The following DNAH6 variants were observed in gnomAD, a reference collection of about 807,000 sequenced individuals.
The protein encoded by DNAH6 is dynein axonemal heavy chain 6, also known as axonemal beta dynein heavy chain 6.
DNAH6 carries 340 observed loss-of-function variants against 491.4 expected under a neutral mutation model. The ratio of observed to expected loss-of-function variants is 0.69; its 90% confidence interval spans 0.63 to 0.76. The LOEUF is 0.76. DNAH6 is among the 30% of genes least tolerant of loss of function. The probability of loss-of-function intolerance (pLI) is 0.00; values close to 1 mark genes in which losing one functional copy is unlikely to be tolerated. For missense variants in DNAH6, 4,443 were observed against 4,972.2 expected, an observed-to-expected ratio of 0.89 and a Z score of 3.20; for synonymous variants, 1,603 against 1,686.1, an observed-to-expected ratio of 0.95 and a Z score of 1.21.
intron 76 of DNAH6, among the ~76,000 whole-genome samples, chr2:84,818,645 GACAA>G (rs919695838): frequency 1.8e-4 from 27 of 151,940 alleles, no homozygotes; most frequent in African/African-American, 6.5e-4. Context: ...AACTTAACAG[GACAA>G]ACAGTCTGGT....
intron 56 of DNAH6, among the ~76,000 whole-genome samples, chr2:84,711,524 C>T (rs1467459613): frequency 6.6e-6 from 1 of 152,172 alleles, no homozygotes; most frequent in African/African-American, 2.4e-5. Context: ...TTAGCATTAA[C>T]TAATATTTAT....
At chr2:84,607,250 A>G (rs1219280088) in intron 21 of DNAH6, among the ~76,000 whole-genome samples, 155 bp downstream of exon 21, 2 of 152,210 alleles carry the variant, frequency 1.3e-5, no homozygotes, top group African/African-American at 2.4e-5. Flanking sequence ...AGGGAAATGC[A>G]CAGGTATTAA....
the DNAH6 span, among the ~76,000 whole-genome samples, chr2:84,508,657 T>C: frequency 1.9e-3 from 285 of 152,338 alleles, no homozygotes; most frequent in African/African-American, 6.6e-3. Context: ...AATTGTGATG[T>C]TAGGGTGTCA....
At chr2:84,496,384 C>A in the DNAH6 span, among the ~76,000 whole-genome samples, 1 of 152,100 alleles carries the variant, frequency 6.6e-6, no homozygotes, top group Non-Finnish European at 1.5e-5. Flanking sequence ...TGTTTTTCTT[C>A]TATGTAGTTT....
Position 84,672,386 on chromosome 2 carries a change from G to C in DNAH6, c.6514G>C (p.Asp2172His). 1 of 1,551,688 alleles carries C rather than the reference G, an allele frequency of 6.4e-7. No individual in the cohort carries two copies. ...FVDDLNMPRL[D>H]RYGSQPPIEL... ...TGATGATTTAAACATGCCCAGACTG[G>C]ATCGCTATGGCTCTCAGCCTCCGAT... The change falls in exon 40 of 77, where the codon GAT becomes CAT. Residue 2172 changes from aspartate to histidine, a missense_variant. By Grantham distance (81) the Asp-to-His change is moderately conservative (BLOSUM62 -1). This residue lies in a region of DNAH6 where 2,977 missense variants were observed against 3,296.6 expected (regional missense o/e 0.90). Transcript: ENST00000389394.
chr2:84,755,432 G>A lies in DNAH6; in HGVS notation c.10513-7323G>A, dbSNP rs190364100. On this transcript the variant is annotated intron_variant, in intron 63 of 76. Transcript: ENST00000389394. ...CAGTCTCAAGTATTCTATTATAGCA[G>A]CACAAAACAGACTAAAACCATTTTC... 2.9e-4 allele frequency among the ~76,000 whole-genome samples: 44 copies of A among 152,238 alleles called. No individual in the cohort carries two copies. In the East Asian group the frequency reaches 7.7e-3, roughly 27 times the overall value.
At chr2:84,786,736 C>T (rs369617383) in intron 67 of DNAH6, among the ~76,000 whole-genome samples, 2 of 152,074 alleles carry the variant, frequency 1.3e-5, no homozygotes, top group African/African-American at 4.8e-5. Flanking sequence ...AAATATGATT[C>T]TGTGTGTGGC....
chr2:84,681,050 G>T (rs1693732447), intron 41 of DNAH6, among the ~76,000 whole-genome samples: 1 of 152,100 alleles, frequency 6.6e-6, no homozygotes, highest in Admixed American at 6.5e-5. Flanking sequence ...AGGTGGGTTT[G>T]TGCCCTTCGT....
At chr2:84,764,444 C>G (rs1235964851) in intron 64 of DNAH6, among the ~76,000 whole-genome samples, 2 of 152,124 alleles carry the variant, frequency 1.3e-5, no homozygotes, top group African/African-American at 4.8e-5. Flanking sequence ...CCATTTCACA[C>G]CTATCCAACT....
the DNAH6 span, among the ~76,000 whole-genome samples, chr2:84,477,700 C>T: frequency 6.6e-6 from 1 of 151,932 alleles, no homozygotes; most frequent in African/African-American, 2.4e-5. Context: ...AAGCAATGGA[C>T]CAAGAAAGCC....
rs148515102 is a variant in DNAH6 at position 84,548,372 on chromosome 2, A to G, written c.1271A>G (p.Tyr424Cys). The G allele has an allele frequency of 1.9e-4, 303 of 1,613,934 alleles. 1 individual carries two copies. Among genetic ancestry groups the G allele is most frequent in the Non-Finnish European group, 2.4e-4 (286 of 1,179,976 alleles). Reference protein sequence around the residue: ...PTYGDSEKMTYTEQASKRHYC... With the variant: ...PTYGDSEKMTCTEQASKRHYC... Reference sequence around the variant, plus strand: ...TATGGAGACTCTGAGAAAATGACATATACAGAACAGGCCAGCAAAAGGCAT... The same window carrying G: ...TATGGAGACTCTGAGAAAATGACATGTACAGAACAGGCCAGCAAAAGGCAT... The change falls in exon 8 of 77, where the codon TAT becomes TGT. Residue 424 changes from tyrosine to cysteine, a missense_variant. Transcript: ENST00000389394.
rs147548149 is a variant in DNAH6, at chr2:84,652,702, A to G, written c.5079-617A>G. 4.3e-3 allele frequency among the ~76,000 whole-genome samples: 653 copies of G among 152,150 alleles called. 2 individuals carry two copies. Among genetic ancestry groups the G allele is most frequent in the South Asian group, 7.5e-3 (36 of 4,824 alleles). ...TATGTAAGGTTTTAACTGTATCACAAATGTATTTGTGTATATAATGTGAGG... is the reference window on the plus strand; with the variant it reads ...TATGTAAGGTTTTAACTGTATCACAGATGTATTTGTGTATATAATGTGAGG... On this transcript the variant is annotated intron_variant, in intron 33 of 76. Coordinates refer to ENST00000389394, the MANE Select transcript of DNAH6 (RefSeq NM_001370.2).
intron 63 of DNAH6, among the ~76,000 whole-genome samples, chr2:84,746,394 G>GA (rs998553637): frequency 6.0e-5 from 9 of 150,996 alleles, no homozygotes; most frequent in South Asian, 4.2e-4. Context: ...AGCTCTAGGA[G>GA]AAAAAAAAAG....
the DNAH6 span, among the ~76,000 whole-genome samples, chr2:84,494,147 A>T: frequency 6.6e-6 from 1 of 152,152 alleles, no homozygotes; most frequent in Non-Finnish European, 1.5e-5. Context: ...GGGATTGGGG[A>T]CAAGAGTCTG....
At chr2:84,819,272 G>A (rs1680800085) in intron 76 of DNAH6, 33 bp from the exon 77 acceptor site, 1 of 1,447,230 alleles carries the variant, frequency 6.9e-7, no homozygotes, top group South Asian at 1.3e-5. Context: ...ATTCTCTTAA[G>A]TAACAACCTT....
chr2:84,520,680 G>A (rs536396863), intron 2 of DNAH6, among the ~76,000 whole-genome samples: 16 of 151,914 alleles, frequency 1.1e-4, no homozygotes, highest in Admixed American at 5.2e-4. Flanking sequence ...GTGATATTTG[G>A]TTTTCTGTTG....
chr2:84,777,014 A>G (rs953123632), intron 64 of DNAH6, among the ~76,000 whole-genome samples: 1 of 152,162 alleles, frequency 6.6e-6, no homozygotes, highest in Admixed American at 6.5e-5. Context: ...CAAACACCGC[A>G]TGTTCTCACT....
chr2:84,664,919 A>G (rs1043644505), intron 37 of DNAH6, among the ~76,000 whole-genome samples: 4 of 152,234 alleles, frequency 2.6e-5, no homozygotes, highest in African/African-American at 9.6e-5. Context: ...CGGTGCAATC[A>G]AACTAGAGCT....
At chr2:84,572,962 G>A (rs1682047885) in intron 11 of DNAH6, among the ~76,000 whole-genome samples, 2 of 152,194 alleles carry the variant, frequency 1.3e-5, no homozygotes, top group Admixed American at 1.3e-4. Flanking sequence ...AGTTTAAGAG[G>A]GGTGAAGAAA....
Sources: allele counts gnomAD v4.1 joint callset (sites outside exome capture counted in the v4.1 genomes callset), GRCh38; gene constraint gnomAD v4.1.1; regional missense constraint gnomAD v4.1.1; transcripts MANE v1.5; gene names NCBI Gene and HGNC (gene_info 2026-07-23, HGNC 2026-07-21).